The following ZNF586 variants were observed in gnomAD, a reference collection of about 807,000 sequenced individuals.
ZNF586 encodes zinc finger protein 586.
ZNF586 carries 7 observed loss-of-function variants against 6.7 expected under a neutral mutation model. That is an observed-to-expected ratio of 1.04 (90% CI 0.59 to 1.95). The LOEUF is 1.95. Ranked by LOEUF, ZNF586 falls within the 30% of genes most tolerant of loss-of-function variation. ZNF586 has a pLI of 0.00. For synonymous variants in ZNF586, 166 were observed against 168.7 expected, an observed-to-expected ratio of 0.98 and a Z score of 0.12; for missense variants, 442 against 489.6, an observed-to-expected ratio of 0.90 and a Z score of 0.92.
intron 2 of ZNF586, among the ~76,000 whole-genome samples, chr19:57,778,534 T>C (rs1470128014): frequency 6.6e-6 from 1 of 152,188 alleles, no homozygotes; most frequent in East Asian, 1.9e-4. Flanking sequence ...ACCCTGCCTT[T>C]ATTCTGTCTG....
At chr19:57,776,708 G>A in intron 2 of ZNF586, 39 bp downstream of exon 2, 5 of 1,556,406 alleles carry the variant, frequency 3.2e-6, no homozygotes, top group Non-Finnish European at 4.3e-6. Flanking sequence ...GAGTTAGTCT[G>A]TGCCCCTCAC....
rs1280180603 is a variant in ZNF586 at position 57,779,115 on chromosome 19, G to A, written c.528G>A (p.Arg176=). 1 of 1,613,968 alleles carries A rather than the reference G, an allele frequency of 6.2e-7. No individual in the cohort carries two copies. Among genetic ancestry groups the A allele is most frequent in the Non-Finnish European group, 8.5e-7 (1 of 1,180,028 alleles). ...LQRQTLHTRE[R]PYECIECGKA... ...GTCAGACACTTCACACTAGAGAAAG[G>A]CCTTATGAGTGTATTGAATGTGGGA... Residue 176 remains arginine, a synonymous_variant, in exon 3 of 3, where the codon AGG becomes AGA. Coordinates refer to ENST00000396154, the MANE Select transcript of ZNF586 (RefSeq NM_017652.4).
intron 1 of ZNF586, among the ~76,000 whole-genome samples, chr19:57,775,600 CTTTTTT>C (rs563657252): frequency 8.1e-6 from 1 of 122,776 alleles, no homozygotes; most frequent in East Asian, 2.4e-4. Flanking sequence ...CCTGGTTGCT[CTTTTTT>C]TTTTTTTTTT....
chr19:57,778,287 G>A (rs1987289310), intron 2 of ZNF586, among the ~76,000 whole-genome samples: 2 of 151,814 alleles, frequency 1.3e-5, no homozygotes, highest in South Asian at 4.2e-4. Context: ...TTGTTGACCA[G>A]GCTGGTCTCA....
chr19:57,775,059 G>A (rs1030724311), intron 1 of ZNF586, among the ~76,000 whole-genome samples: 1 of 151,298 alleles, frequency 6.6e-6, no homozygotes, highest in African/African-American at 2.4e-5. Context: ...GAGTACAGTG[G>A]CAGATCTCAT....
intron 1 of ZNF586, among the ~76,000 whole-genome samples, chr19:57,773,778 A>AT (rs1426044921): frequency 1.3e-5 from 2 of 152,188 alleles, no homozygotes; most frequent in Admixed American, 6.5e-5. Flanking sequence ...CCTCACCAAG[A>AT]TTTTGAGATG....
chr19:57,774,817 T>TAGCACATGATACTGACCTTAA, intron 1 of ZNF586: 1 of 937,756 alleles, frequency 1.1e-6, no homozygotes, highest in Non-Finnish European at 1.3e-6. Context: ...AAAGTTAAGG[T>TAGCACATGATACTGACCTTAA]CAGTATCATG....
chr19:57,780,063 A>G lies in ZNF586; in HGVS notation c.*267A>G. 4.3e-6 allele frequency: 2 copies of G among 464,360 alleles called. No homozygotes were observed. The highest frequency in any genetic ancestry group is 7.2e-5 in the South Asian group (2 of 27,906). The allele number at this position is 464,360 out of a possible 1,614,324, so 28.8% of individuals were successfully genotyped here. A position where few individuals can be genotyped will look rare whatever the true frequency, so the allele number is the denominator to read the frequency against. ...GTGGAGGTAATATTATTTTTTCTTCAATATAACACTGGAGGAAACCCCTTA... is the reference window on the plus strand; with the variant it reads ...GTGGAGGTAATATTATTTTTTCTTCGATATAACACTGGAGGAAACCCCTTA... On this transcript the variant is annotated 3_prime_UTR_variant, in exon 3 of 3. Transcript: ENST00000396154.
intron 1 of ZNF586, among the ~76,000 whole-genome samples, chr19:57,774,529 TATAAATAAATAAATAAATAA>T (rs71986625): frequency 4.8e-5 from 7 of 146,606 alleles, no homozygotes; most frequent in Non-Finnish European, 7.5e-5. Context: ...ATCTCAAAAA[TATAAATAAATAAATAAATAA>T]ATAAATAAAT....
intron 2 of ZNF586, 44 bp from the exon 3 acceptor site, chr19:57,778,704 ACTC>A: frequency 6.5e-7 from 1 of 1,531,872 alleles, no homozygotes; most frequent in Admixed American, 2.0e-5. Context: ...TAGGCTGCAT[ACTC>A]AACAAAGTCA....
rs1471861886 is a variant in ZNF586, at chr19:57,778,925, G to A, written c.338G>A (p.Arg113Lys). 1 of 1,614,040 alleles carries A rather than the reference G, an allele frequency of 6.2e-7. No individual in the cohort carries two copies. The highest frequency in any genetic ancestry group is 2.2e-5 in the East Asian group (1 of 44,872). The change falls in exon 3 of 3, where the codon AGG becomes AAG. Residue 113 changes from arginine to lysine, a missense_variant. Arg to Lys is a conservative substitution (Grantham distance 26). Coordinates refer to ENST00000396154, the MANE Select transcript of ZNF586 (RefSeq NM_017652.4). The part of the protein sequence containing the change: ...LTEPRRDHKH[R>K]NVRTGERPYE... The stretch of plus-strand genomic sequence containing the variant: ...GAACCCAGAAGAGATCACAAACACA[G>A]GAATGTTCGCACTGGAGAAAGGCCT...
chr19:57,776,114 C>T (rs550759964), intron 1 of ZNF586, among the ~76,000 whole-genome samples: 1 of 152,262 alleles, frequency 6.6e-6, no homozygotes, highest in South Asian at 2.1e-4. Context: ...TAACTTCTGG[C>T]AAGACCAGAG....
chr19:57,770,479 A>T (rs1987069003), intron 1 of ZNF586, among the ~76,000 whole-genome samples: 1 of 152,186 alleles, frequency 6.6e-6, no homozygotes, highest in South Asian at 2.1e-4. Flanking sequence ...GACTGTGAGG[A>T]CGCTAAAAGC....
chr19:57,773,976 G>A (rs967930300), intron 1 of ZNF586, among the ~76,000 whole-genome samples: 4 of 152,146 alleles, frequency 2.6e-5, no homozygotes, highest in African/African-American at 9.7e-5. Context: ...AGCACTGTGG[G>A]AGGCCAAGGT....
intron 1 of ZNF586, among the ~76,000 whole-genome samples, chr19:57,775,783 G>T (rs1470087035): frequency 2.0e-5 from 3 of 152,018 alleles, no homozygotes; most frequent in African/African-American, 7.3e-5. Context: ...TTGTATTTTA[G>T]TAGAGACGGG....
intron 1 of ZNF586, 122 bp downstream of exon 1, chr19:57,770,000 C>A: frequency 1.0e-6 from 1 of 964,978 alleles, no homozygotes; most frequent in Non-Finnish European, 1.5e-6. Flanking sequence ...GGAGAGGCGC[C>A]GGCGGGTGGG....
chr19:57,776,759 C>G, intron 2 of ZNF586, 90 bp downstream of exon 2: 3 of 1,394,340 alleles, frequency 2.2e-6, no homozygotes, highest in South Asian at 3.2e-5. Flanking sequence ...ACCATGGACA[C>G]AGCTTCATTC....
chr19:57,773,985 G>A (rs1162962171), intron 1 of ZNF586, among the ~76,000 whole-genome samples: 1 of 152,266 alleles, frequency 6.6e-6, no homozygotes, highest in East Asian at 1.9e-4. Flanking sequence ...GGAGGCCAAG[G>A]TGGGCAGATC....
At chr19:57,777,093 C>G (rs1355486396) in intron 2 of ZNF586, among the ~76,000 whole-genome samples, 1 of 152,156 alleles carries the variant, frequency 6.6e-6, no homozygotes, top group African/African-American at 2.4e-5. Context: ...CTTCAAAATT[C>G]TTTTTGTAGT....
Sources: gnomAD v4.1 joint callset for allele counts (sites outside exome capture counted in the v4.1 genomes callset) on GRCh38, gnomAD v4.1.1 for gene constraint, MANE v1.5 for transcripts, NCBI Gene and HGNC (gene_info 2026-07-23, HGNC 2026-07-21) for gene names.